Variants in CAMTA1 observed in about 807,000 individuals in gnomAD.
The protein encoded by CAMTA1 is calmodulin-binding transcription activator 1.
A neutral mutation model predicts 170.9 loss-of-function variants in CAMTA1; 27 were observed. That is an observed-to-expected ratio of 0.16 (90% CI 0.12 to 0.22). The LOEUF is 0.22. CAMTA1 is among the 10% of genes least tolerant of loss of function. The pLI is 1.00. For synonymous variants in CAMTA1, 833 were observed against 891.5 expected, an observed-to-expected ratio of 0.93 and a Z score of 1.17; for missense variants, 1,619 against 2,217.2, an observed-to-expected ratio of 0.73 and a Z score of 5.42.
intron 3 of CAMTA1, chr1:6,888,311 G>A: frequency 1.1e-6 from 1 of 945,588 alleles, no homozygotes; most frequent in South Asian, 4.9e-5. Flanking sequence ...GAAGCATAAA[G>A]CTTTTGTTGT....
At chr1:7,166,594 C>T (rs151234906) in intron 4 of CAMTA1, among the ~76,000 whole-genome samples, 210 of 152,214 alleles carry the variant, frequency 1.4e-3, no homozygotes, top group Non-Finnish European at 2.4e-3. Flanking sequence ...GGGTTATTGG[C>T]CATTTGGGTT....
chr1:7,336,706 C>T (rs1417388880), intron 5 of CAMTA1, among the ~76,000 whole-genome samples: 1 of 152,200 alleles, frequency 6.6e-6, no homozygotes, highest in Non-Finnish European at 1.5e-5. Context: ...AGGAACCTGG[C>T]AGGAGGCCTT....
At chr1:7,221,091 G>A (rs576417603) in intron 4 of CAMTA1, among the ~76,000 whole-genome samples, 7 of 152,324 alleles carry the variant, frequency 4.6e-5, no homozygotes, top group South Asian at 2.1e-4. Flanking sequence ...TGAATGGCCC[G>A]GCTTTCTCAG....
chr1:7,168,389 G>A (rs1355818396), intron 4 of CAMTA1, among the ~76,000 whole-genome samples: 2 of 152,058 alleles, frequency 1.3e-5, no homozygotes, highest in African/African-American at 4.8e-5. Context: ...TGTATTAGAA[G>A]TTCTTTTTGT....
chr1:7,300,924 T>C lies in CAMTA1; in HGVS notation c.438+51298T>C, dbSNP rs1460555169. Among the ~76,000 whole-genome samples the C allele has an allele frequency of 2.0e-5, 3 of 152,228 alleles. No individual in the cohort carries two copies. The highest frequency in any genetic ancestry group is 4.4e-5 in the Non-Finnish European group (3 of 68,028). On this transcript the variant is annotated intron_variant, in intron 5 of 22. Transcript: ENST00000303635. This position sits in a 1 kb window ranked among gnomAD's most constrained non-coding sequence, Gnocchi z 4.1. ...AAGTCATAAAGTTCTCTTACTAGAA[T>C]ATAGCTTCTAAATTGCATATCATAG...
At chr1:7,700,285 T>C (rs1409898873) in intron 11 of CAMTA1, among the ~76,000 whole-genome samples, 2 of 152,242 alleles carry the variant, frequency 1.3e-5, no homozygotes, top group Non-Finnish European at 2.9e-5. Flanking sequence ...AAGACGATTC[T>C]TTCCCCATTG....
chr1:6,848,362 C>A (rs982690763), intron 3 of CAMTA1, among the ~76,000 whole-genome samples: 2 of 152,122 alleles, frequency 1.3e-5, no homozygotes, highest in Admixed American at 1.3e-4. Context: ...TACATTTCCC[C>A]GGCCTTGAAC....
chr1:6,940,230 A>G (rs1256070677), intron 3 of CAMTA1, among the ~76,000 whole-genome samples: 1 of 152,222 alleles, frequency 6.6e-6, no homozygotes, highest in Non-Finnish European at 1.5e-5. Context: ...AAGTCCCATG[A>G]TCTACTCTCT....
intron 5 of CAMTA1, among the ~76,000 whole-genome samples, chr1:7,341,484 G>T (rs889205833): frequency 6.6e-6 from 1 of 152,218 alleles, no homozygotes; most frequent in Non-Finnish European, 1.5e-5. Flanking sequence ...AAGTAGGTGC[G>T]AGATTGTCTC....
At chr1:7,225,745 T>C (rs1478102363) in intron 4 of CAMTA1, among the ~76,000 whole-genome samples, 2 of 152,212 alleles carry the variant, frequency 1.3e-5, no homozygotes, top group Non-Finnish European at 2.9e-5. Flanking sequence ...CATAGACTTT[T>C]GGTTGGCTCA....
intron 6 of CAMTA1, among the ~76,000 whole-genome samples, chr1:7,567,732 C>G (rs2095060303): frequency 6.6e-6 from 1 of 152,154 alleles, no homozygotes; most frequent in Non-Finnish European, 1.5e-5. Context: ...TCACAAGATG[C>G]TGGGGTGATT....
At position 7,420,301 on chromosome 1, in the gene CAMTA1, C is replaced by T. The variant is rs1196989075; in HGVS notation, c.439-47529C>T. 2.6e-5 allele frequency among the ~76,000 whole-genome samples: 4 copies of T among 152,110 alleles called. No homozygotes were observed. In the East Asian group the frequency reaches 7.7e-4, roughly 29 times the overall value. On this transcript the variant is annotated intron_variant, in intron 5 of 22. Transcript: ENST00000303635. Reference sequence around the variant, plus strand: ...CATCACCCCAGCGGAGAGACCTTTCCAGACCTGCTGCCCAGTGCCCTGCTC... The same window carrying T: ...CATCACCCCAGCGGAGAGACCTTTCTAGACCTGCTGCCCAGTGCCCTGCTC...
At chr1:6,873,051 G>A (rs1487251964) in intron 3 of CAMTA1, among the ~76,000 whole-genome samples, 2 of 152,156 alleles carry the variant, frequency 1.3e-5, no homozygotes, top group African/African-American at 2.4e-5. Flanking sequence ...TCAGGCTCAC[G>A]AGCTTGTTCT....
chr1:7,107,278 A>ATGTGTGTG (rs148905936), intron 4 of CAMTA1, among the ~76,000 whole-genome samples: 47,156 of 141,922 alleles, frequency 0.33, 7,918 homozygotes, highest in East Asian at 0.49. Context: ...GTGTGTGTGC[A>ATGTGTGTG]TGTGTGTGTG....
chr1:7,034,832 C>T (rs1020119398), intron 3 of CAMTA1, among the ~76,000 whole-genome samples: 2 of 152,104 alleles, frequency 1.3e-5, no homozygotes, highest in African/African-American at 4.8e-5. Context: ...AGGAGAGGAC[C>T]TCTAGTCCTT....
At chr1:7,579,877 A>C (rs2095243992) in intron 6 of CAMTA1, among the ~76,000 whole-genome samples, 1 of 152,146 alleles carries the variant, frequency 6.6e-6, no homozygotes, top group African/African-American at 2.4e-5. Flanking sequence ...CCACTTTCTT[A>C]AGTTTCTGGA....
rs565359621 is a variant in CAMTA1 at position 7,113,851 on chromosome 1, C to T, written c.302+22480C>T. Among the ~76,000 whole-genome samples the T allele has an allele frequency of 1.3e-5, 2 of 152,280 alleles. No homozygotes were observed. The highest frequency in any genetic ancestry group is 3.9e-4 in the East Asian group (2 of 5,180). ...TTTGGTGAGTGAGGTTTTACTTCTCCGTCCTTTGGTCCAAGGCTACTGGGA... is the reference window on the plus strand; with the variant it reads ...TTTGGTGAGTGAGGTTTTACTTCTCTGTCCTTTGGTCCAAGGCTACTGGGA... On this transcript the variant is annotated intron_variant, in intron 4 of 22. Coordinates refer to ENST00000303635, the MANE Select transcript of CAMTA1 (RefSeq NM_015215.4). The surrounding 1 kb of genome is among the most constrained non-coding windows in gnomAD (Gnocchi z 4.5).
At chr1:7,505,630 G>A (rs559248531) in intron 6 of CAMTA1, among the ~76,000 whole-genome samples, 21 of 152,262 alleles carry the variant, frequency 1.4e-4, no homozygotes, top group African/African-American at 4.8e-4. Flanking sequence ...ATGGTCAGGT[G>A]GGGGGACCAG....
intron 3 of CAMTA1, among the ~76,000 whole-genome samples, chr1:6,956,635 T>C (rs1299277127): frequency 6.6e-6 from 1 of 152,122 alleles, no homozygotes; most frequent in East Asian, 1.9e-4. Flanking sequence ...TGTGGCGGTG[T>C]TGTGTAAGAG....
Sources: gnomAD v4.1 joint callset for allele counts (sites outside exome capture counted in the v4.1 genomes callset) on GRCh38, gnomAD v4.1.1 for gene constraint, Gnocchi (gnomAD v3.1) non-coding constraint, MANE v1.5 for transcripts, NCBI Gene and HGNC (gene_info 2026-07-23, HGNC 2026-07-21) for gene names.